ADAMTSL1: variants seen among roughly 807,000 people sequenced by gnomAD.
The protein encoded by ADAMTSL1 is ADAMTS-like protein 1.
A neutral mutation model predicts 201.8 loss-of-function variants in ADAMTSL1; 126 were observed. The ratio of observed to expected loss-of-function variants is 0.62; its 90% CI spans 0.54 to 0.72. The LOEUF (loss-of-function observed/expected upper bound fraction) is 0.72, where lower values mean the gene tolerates loss of function less well. Ranked by LOEUF, ADAMTSL1 falls within the 30% of genes least tolerant of loss-of-function variation. The pLI, the probability that ADAMTSL1 is intolerant of heterozygous loss-of-function variation, is 0.00. For missense variants in ADAMTSL1, 2,679 were observed against 2,277.8 expected (o/e 1.18, Z -3.59); for synonymous variants, 1,121 against 903.4 (o/e 1.24, Z -4.32).
At position 18,574,014 on chromosome 9, in the gene ADAMTSL1, T is replaced by C. The variant is rs759078761; in HGVS notation, c.238-16T>C. 4.4e-6 allele frequency: 7 copies of C among 1,606,582 alleles called. No individual in the cohort carries two copies. Among genetic ancestry groups the C allele is most frequent in the Admixed American group, 1.7e-5 (1 of 59,770 alleles). ...CCTCCTAACCTTTGTATGTCCTTTC[T>C]CTCTTTTTTCTCCAGGACTGCCCAC... On this transcript the variant is annotated splice_polypyrimidine_tract_variant and intron_variant, in intron 3 of 28. Coordinates refer to ENST00000380548, the MANE Select transcript of ADAMTSL1 (RefSeq NM_001040272.6).
chr9:18,127,231 G>A (rs1006571745), intron 1 of ADAMTSL1, among the ~76,000 whole-genome samples: 1 of 152,108 alleles, frequency 6.6e-6, no homozygotes, highest in Admixed American at 6.6e-5. Flanking sequence ...GAAGAAAACA[G>A]GTGATAAAAG....
chr9:18,782,944 G>A (rs1821483759), intron 19 of ADAMTSL1, among the ~76,000 whole-genome samples: 1 of 152,208 alleles, frequency 6.6e-6, no homozygotes, highest in African/African-American at 2.4e-5. Flanking sequence ...GGTAACTGGA[G>A]ACCAAGGGAA....
chr9:18,643,379 C>T (rs570296820), intron 7 of ADAMTSL1, among the ~76,000 whole-genome samples: 21 of 152,124 alleles, frequency 1.4e-4, no homozygotes, highest in African/African-American at 4.8e-4. Flanking sequence ...TCTCTTCACT[C>T]TGTTGATTGT....
At chr9:18,845,507 A>G (rs1181487878) in intron 23 of ADAMTSL1, among the ~76,000 whole-genome samples, 2 of 152,262 alleles carry the variant, frequency 1.3e-5, no homozygotes, top group East Asian at 3.9e-4. Context: ...CAGGGCCTGC[A>G]CATGTAGCAG....
rs1332867730 is a variant in ADAMTSL1, at chr9:18,753,323, T to C, written c.2032T>C (p.Cys678Arg). ...GTGGGAAATTGGCAAGTGGAGTCCA[T>C]GTAGTCTCACATGTGGGGTCGGCCT... ...ARWEIGKWSP[C>R]SLTCGVGLQT... The change falls in exon 16 of 29, where the codon TGT (cysteine) becomes CGT (arginine). Residue 678 changes from cysteine (C) to arginine (R), a missense_variant. Coordinates refer to ENST00000380548, the MANE Select transcript of ADAMTSL1 (RefSeq NM_001040272.6). The C allele has an allele frequency of 1.2e-6, 2 of 1,612,220 alleles. No homozygotes were observed. The highest frequency in any genetic ancestry group is 1.7e-6 in the Non-Finnish European group (2 of 1,179,264).
At chr9:17,981,038 A>G (rs1818671275) in intron 1 of ADAMTSL1, among the ~76,000 whole-genome samples, 1 of 152,170 alleles carries the variant, frequency 6.6e-6, no homozygotes, top group Non-Finnish European at 1.5e-5. Flanking sequence ...GGACCAAGCC[A>G]TTCACGAGGG....
intron 2 of ADAMTSL1, among the ~76,000 whole-genome samples, chr9:18,380,908 A>G (rs1185901779): frequency 6.6e-6 from 1 of 152,212 alleles, no homozygotes; most frequent in Non-Finnish European, 1.5e-5. Context: ...CCCACCAAAG[A>G]GAACCCTTTA....
Position 18,693,363 on chromosome 9 carries a change from C to T in ADAMTSL1, c.1574+8563C>T, listed in dbSNP as rs545561754. ...ACAACCCATCAAGATGAAATTCGGCCGGCATATACTGCATAAGTATAACTA... is the reference window on the plus strand; with the variant it reads ...ACAACCCATCAAGATGAAATTCGGCTGGCATATACTGCATAAGTATAACTA... On this transcript the variant is annotated intron_variant, in intron 13 of 28. Coordinates refer to ENST00000380548, the MANE Select transcript of ADAMTSL1 (RefSeq NM_001040272.6). 9.9e-5 allele frequency among the ~76,000 whole-genome samples: 15 copies of T among 152,230 alleles called. No homozygotes were observed. The South Asian group carries it at 1.2e-3, about 13-fold the overall frequency.
At chr9:18,589,126 C>T (rs971313400) in intron 4 of ADAMTSL1, among the ~76,000 whole-genome samples, 2 of 151,924 alleles carry the variant, frequency 1.3e-5, no homozygotes, top group African/African-American at 4.8e-5. Context: ...ATCTGCCCAC[C>T]TTGGCCTCCC....
intron 1 of ADAMTSL1, among the ~76,000 whole-genome samples, chr9:18,029,503 T>C (rs1820845450): frequency 6.6e-6 from 1 of 152,106 alleles, no homozygotes; most frequent in South Asian, 2.1e-4. Flanking sequence ...ACTTCATGTC[T>C]AAAACACCAA....
intron 2 of ADAMTSL1, among the ~76,000 whole-genome samples, chr9:18,333,262 C>T: frequency 6.6e-6 from 1 of 151,950 alleles, no homozygotes; most frequent in East Asian, 1.9e-4. Context: ...TGGGAGGGTC[C>T]CAGAGGGAGG....
At chr9:18,688,689 A>AAAATAAATATATATATATATATAT in intron 13 of ADAMTSL1, among the ~76,000 whole-genome samples, 1 of 8,652 alleles carries the variant, frequency 1.2e-4, no homozygotes, top group Non-Finnish European at 2.2e-4. Flanking sequence ...AAAAAAAAAA[A>AAAATAAATATATATATATATATAT]ATATATATAT....
At chr9:18,892,363 C>G (rs745463193) in intron 25 of ADAMTSL1, 26 bp from the exon 26 acceptor site, 1 of 1,599,974 alleles carries the variant, frequency 6.3e-7, no homozygotes, top group Non-Finnish European at 8.5e-7. Flanking sequence ...CTTTAGGGCT[C>G]TCCTGACACT....
At chr9:18,445,228 G>T (rs1472009441) in intron 2 of ADAMTSL1, among the ~76,000 whole-genome samples, 4 of 152,128 alleles carry the variant, frequency 2.6e-5, no homozygotes, top group Non-Finnish European at 4.4e-5. Context: ...ACCGCTAAAA[G>T]TACAGCCTTT....
chr9:18,562,131 A>G (rs973237512), intron 3 of ADAMTSL1, among the ~76,000 whole-genome samples: 2 of 152,124 alleles, frequency 1.3e-5, no homozygotes, highest in Admixed American at 6.5e-5. Context: ...GGTGTTCACA[A>G]TTTGGTATGT....
At chr9:18,734,809 A>T (rs574236650) in intron 15 of ADAMTSL1, among the ~76,000 whole-genome samples, 11 of 152,276 alleles carry the variant, frequency 7.2e-5, no homozygotes, top group African/African-American at 2.6e-4. Context: ...ATTCCCCCAG[A>T]GTCCCAATCC....
chr9:18,148,415 A>G (rs1246100506), intron 1 of ADAMTSL1, among the ~76,000 whole-genome samples: 1 of 151,982 alleles, frequency 6.6e-6, no homozygotes, highest in Non-Finnish European at 1.5e-5. Context: ...TGTCTCTTAA[A>G]AAGTCAAGAT....
chr9:18,223,987 A>G (rs954595770), intron 2 of ADAMTSL1, among the ~76,000 whole-genome samples: 11 of 152,156 alleles, frequency 7.2e-5, no homozygotes, highest in African/African-American at 1.9e-4. Flanking sequence ...GATGTTAGGA[A>G]TACAGATTCC....
intron 1 of ADAMTSL1, among the ~76,000 whole-genome samples, chr9:18,144,023 G>A (rs1361006675): frequency 6.6e-6 from 1 of 152,128 alleles, no homozygotes; most frequent in Non-Finnish European, 1.5e-5. Context: ...GTGCTATTTG[G>A]AGCTGTGTTT....
Sources: allele counts gnomAD v4.1 joint callset (sites outside exome capture counted in the v4.1 genomes callset), GRCh38; gene constraint gnomAD v4.1.1; transcripts MANE v1.5; gene names NCBI Gene and HGNC (gene_info 2026-07-23, HGNC 2026-07-21).